The following BIN1 variants were observed in gnomAD, a reference collection of about 807,000 sequenced individuals.
The protein encoded by BIN1 is myc box-dependent-interacting protein 1.
A neutral mutation model predicts 82.0 loss-of-function variants in BIN1; 53 were observed. The ratio of observed to expected loss-of-function variants is 0.65; its 90% CI spans 0.52 to 0.81. The LOEUF (loss-of-function observed/expected upper bound fraction) is 0.81, where lower values mean the gene tolerates loss of function less well. BIN1 is among the 40% of genes least tolerant of loss of function. BIN1 has a pLI of 0.00. For synonymous variants in BIN1, 302 were observed against 328.0 expected (o/e 0.92, Z 0.86); for missense variants, 642 against 784.4 (o/e 0.82, Z 2.17).
intron 17 of BIN1, 43 bp from the exon 18 acceptor site, chr2:127,050,565 T>G (rs1682788010): frequency 6.2e-7 from 1 of 1,604,834 alleles, no homozygotes. Context: ...CCGTCCCACC[T>G]CCAGCCCTGC....
intron 1 of BIN1, among the ~76,000 whole-genome samples, chr2:127,085,604 A>C (rs971262393): frequency 6.6e-6 from 1 of 151,996 alleles, no homozygotes; most frequent in Admixed American, 6.5e-5. Context: ...GAGAGCCCAT[A>C]ATGAGGAAGG....
At position 127,067,546 on chromosome 2, in the gene BIN1, C is replaced by A. The variant is rs1685304087; in HGVS notation, c.612+617G>T. The stretch of plus-strand genomic sequence containing the variant: ...TCCATGAATCCCCAAAGGCCAAGGA[C>A]CCATGCTTCCCCTCCACGTCTCAGC... On this transcript the variant is annotated intron_variant, in intron 7 of 18. Transcript: ENST00000316724. This position sits in a 1 kb window ranked among gnomAD's most constrained non-coding sequence, Gnocchi z 4.7. Among the ~76,000 whole-genome samples, 3 of 152,214 alleles carry A rather than the reference C, an allele frequency of 2.0e-5. No individual in the cohort carries two copies.
chr2:127,077,679 CAGG>C (rs1438616098), intron 1 of BIN1, among the ~76,000 whole-genome samples: 1 of 152,034 alleles, frequency 6.6e-6, no homozygotes, highest in African/African-American at 2.4e-5. Context: ...TAGGAAAGAG[CAGG>C]AGAAGAAAAA....
chr2:127,063,344 A>G (rs1684740005), intron 9 of BIN1, among the ~76,000 whole-genome samples: 1 of 152,170 alleles, frequency 6.6e-6, no homozygotes, highest in Non-Finnish European at 1.5e-5. Flanking sequence ...CTACCCAGGC[A>G]AGGACCCAGG....
intron 1 of BIN1, 36 bp downstream of exon 1, chr2:127,106,824 G>C: frequency 6.4e-7 from 1 of 1,569,516 alleles, no homozygotes; most frequent in Non-Finnish European, 8.6e-7. Context: ...CGCGGCGGCT[G>C]GGACTCCGCG....
intron 10 of BIN1, chr2:127,060,789 C>T: frequency 1.9e-6 from 2 of 1,073,374 alleles, no homozygotes; most frequent in Non-Finnish European, 2.8e-6. Context: ...TTGCACAGGG[C>T]CTGGGCGTGC....
At chr2:127,094,121 A>C (rs11678252) in intron 1 of BIN1, among the ~76,000 whole-genome samples, 1 of 152,006 alleles carries the variant, frequency 6.6e-6, no homozygotes, top group South Asian at 2.1e-4. Context: ...ACCCTCCCAC[A>C]CAGGATACTA....
At chr2:127,087,532 G>A (rs1006246483) in intron 1 of BIN1, among the ~76,000 whole-genome samples, 4 of 152,226 alleles carry the variant, frequency 2.6e-5, no homozygotes, top group African/African-American at 4.8e-5. Context: ...AGAGCACACA[G>A]CGTGAGTGGA....
Position 127,107,062 on chromosome 2 carries a change from C to T in BIN1, c.-119G>A. ...AGACCGGCTGCCGCTCCACGCCGCG[C>T]ACCCGACAGCGGAGCCAACTGACGG... On this transcript the variant is annotated 5_prime_UTR_variant, in exon 1 of 19. Coordinates refer to ENST00000316724, the MANE Select transcript of BIN1 (RefSeq NM_139343.3). The surrounding 1 kb of genome is among the most constrained non-coding windows in gnomAD (Gnocchi z 5.9). 2.8e-6 allele frequency: 3 copies of T among 1,066,626 alleles called. No individual in the cohort carries two copies. Among genetic ancestry groups the T allele is most frequent in the Non-Finnish European group, 3.7e-6 (3 of 810,266 alleles). The allele number at this position is 1,066,626 out of a possible 1,614,324, so 66.1% of individuals were successfully genotyped here. A position where few individuals can be genotyped will look rare whatever the true frequency, so the allele number is the denominator to read the frequency against.
In BIN1 at chr2:127,103,576, G is replaced by C. The variant is rs536119385; in HGVS notation, c.84+3284C>G. On this transcript the variant is annotated intron_variant, in intron 1 of 18. Transcript: ENST00000316724. ...CCAGAGCCTTCCTCCTGTGCTCACTGTCAGCCCAGCGTGGTCAGAGAAAGG... is the reference window on the plus strand; with the variant it reads ...CCAGAGCCTTCCTCCTGTGCTCACTCTCAGCCCAGCGTGGTCAGAGAAAGG... Among the ~76,000 whole-genome samples, 38 of 152,294 alleles carry C rather than the reference G, an allele frequency of 2.5e-4. No homozygotes were observed. The South Asian group carries it at 7.9e-3, about 32-fold the overall frequency.
At chr2:127,085,031 A>G (rs11694743) in intron 1 of BIN1, among the ~76,000 whole-genome samples, 55,093 of 151,858 alleles carry the variant, frequency 0.36, 10,312 homozygotes, top group Non-Finnish European at 0.4. Flanking sequence ...TTCTCCCTCC[A>G]TCCCCCGCCC....
At position 127,060,740 on chromosome 2, in the gene BIN1, G is replaced by A. The variant is rs1684340606; in HGVS notation, c.857+1375C>T. 6.8e-6 allele frequency: 10 copies of A among 1,463,030 alleles called. No individual in the cohort carries two copies. The Admixed American group carries it at 1.1e-4, about 17-fold the overall frequency. The allele number at this position is 1,463,030 out of a possible 1,614,324, so 90.6% of individuals were successfully genotyped here. On this transcript the variant is annotated intron_variant, in intron 10 of 18. Transcript: ENST00000316724. ...CTCTTTGCCAACCCTTCTGCTCAGA[G>A]GACAAAGGGGCAAAAGCCTCTCCTA...
At chr2:127,054,898 T>A (rs922195373) in intron 12 of BIN1, 1 of 152,170 alleles carries the variant, frequency 6.6e-6, no homozygotes, top group African/African-American at 2.4e-5. Flanking sequence ...GCGGAGACAA[T>A]GACTCCGGTG....
intron 18 of BIN1, 69 bp from the exon 19 acceptor site, chr2:127,048,702 C>T (rs1197005122): frequency 1.2e-5 from 18 of 1,459,776 alleles, no homozygotes; most frequent in Non-Finnish European, 1.7e-5. Flanking sequence ...ACGCATCCCA[C>T]TCCAACCTGC....
chr2:127,083,670 G>T (rs1346411304), intron 1 of BIN1, among the ~76,000 whole-genome samples: 1 of 152,190 alleles, frequency 6.6e-6, no homozygotes, highest in Non-Finnish European at 1.5e-5. Flanking sequence ...TCCAACTGTG[G>T]TTCACATATT....
Position 127,082,982 on chromosome 2 carries a change from A to G in BIN1, c.85-6276T>C. Among the ~76,000 whole-genome samples the G allele has an allele frequency of 6.6e-6, 1 of 151,916 alleles. No individual in the cohort carries two copies. Among genetic ancestry groups the G allele is most frequent in the Middle Eastern group, 3.2e-3 (1 of 316 alleles). On this transcript the variant is annotated intron_variant, in intron 1 of 18. Coordinates refer to ENST00000316724, the MANE Select transcript of BIN1 (RefSeq NM_139343.3). This position sits in a 1 kb window ranked among gnomAD's most constrained non-coding sequence, Gnocchi z 6.1. ...CCTTATTTTCAAAGTATAAACCTCA[A>G]AGAAAGTGGAAAGGATACTACAGGG...
chr2:127,090,347 C>T lies in BIN1; in HGVS notation c.85-13641G>A, dbSNP rs1390063275. On this transcript the variant is annotated intron_variant, in intron 1 of 18. Transcript: ENST00000316724. The surrounding 1 kb of genome is among the most constrained non-coding windows in gnomAD (Gnocchi z 6.4). ...TTGCTACTACTCCACATCCCAGTGC[C>T]ACCCCCGCAGGCAGGCAGCAAGGGC... 1.3e-5 allele frequency among the ~76,000 whole-genome samples: 2 copies of T among 152,238 alleles called. No individual in the cohort carries two copies. The highest frequency in any genetic ancestry group is 2.4e-5 in the African/African-American group (1 of 41,460).
intron 4 of BIN1, among the ~76,000 whole-genome samples, chr2:127,070,293 G>A (rs530657319): frequency 2.0e-5 from 3 of 152,334 alleles, no homozygotes; most frequent in African/African-American, 7.2e-5. Context: ...CTGAGGACTG[G>A]GGTCAGCCAG....
intron 10 of BIN1, chr2:127,060,561 C>T: frequency 6.2e-7 from 1 of 1,613,890 alleles, no homozygotes; most frequent in Non-Finnish European, 8.5e-7. Flanking sequence ...AGGGCGCGGG[C>T]CTCTGCGCCC....
Sources: gnomAD v4.1 joint callset for allele counts (sites outside exome capture counted in the v4.1 genomes callset) on GRCh38, gnomAD v4.1.1 for gene constraint, Gnocchi (gnomAD v3.1) non-coding constraint, MANE v1.5 for transcripts, NCBI Gene and HGNC (gene_info 2026-07-23, HGNC 2026-07-21) for gene names.